The following TBCE variants were observed in gnomAD, a reference collection of about 807,000 sequenced individuals.
TBCE encodes tubulin-specific chaperone E.
Under a neutral mutation model 77.0 loss-of-function variants are expected in TBCE, and 53 were observed. The observed-to-expected ratio is 0.69, with a 90% confidence interval of 0.55 to 0.87. TBCE has a LOEUF of 0.87. Ranked by LOEUF, TBCE falls within the 40% of genes least tolerant of loss-of-function variation. The probability of loss-of-function intolerance (pLI) is 0.00; values close to 1 mark genes in which losing one functional copy is unlikely to be tolerated. For synonymous variants in TBCE, 235 were observed against 241.3 expected (o/e 0.97, Z 0.24); for missense variants, 624 against 622.4 (o/e 1.00, Z -0.03).
At chr1:235,390,932 G>A (rs1678348297) in intron 2 of TBCE, among the ~76,000 whole-genome samples, 1 of 152,010 alleles carries the variant, frequency 6.6e-6, no homozygotes, top group Non-Finnish European at 1.5e-5. Context: ...ATATGATAAG[G>A]AAGCTATCAT....
intron 13 of TBCE, among the ~76,000 whole-genome samples, chr1:235,439,947 G>A (rs773208370): frequency 6.6e-6 from 1 of 151,828 alleles, no homozygotes; most frequent in Non-Finnish European, 1.5e-5. Context: ...GACTACAGGC[G>A]CACACCACCA....
At chr1:235,441,442 G>A in intron 13 of TBCE, 1 of 279,424 alleles carries the variant, frequency 3.6e-6, no homozygotes. Flanking sequence ...GACACTCGGG[G>A]AAAACATTTG....
chr1:235,414,924 A>C, intron 4 of TBCE: 1 of 359,834 alleles, frequency 2.8e-6, no homozygotes, highest in Non-Finnish European at 5.3e-6. Context: ...GTTCTTTTCT[A>C]TTTCATGGTG....
At chr1:235,407,407 G>T (rs1679511813) in intron 3 of TBCE, among the ~76,000 whole-genome samples, 2 of 152,074 alleles carry the variant, frequency 1.3e-5, no homozygotes, top group Admixed American at 6.6e-5. Context: ...ATAAAAAGGA[G>T]AAATGTTACA....
intron 2 of TBCE, among the ~76,000 whole-genome samples, chr1:235,392,019 C>A (rs1248731757): frequency 2.0e-5 from 3 of 151,744 alleles, no homozygotes; most frequent in Non-Finnish European, 4.4e-5. Context: ...CAAAACTGTA[C>A]AGTTTAAATT....
At chr1:235,417,826 G>C (rs1680187324) in intron 4 of TBCE, among the ~76,000 whole-genome samples, 1 of 152,128 alleles carries the variant, frequency 6.6e-6, no homozygotes, top group African/African-American at 2.4e-5. Context: ...ACCCAGGCTG[G>C]AGCGCAATGG....
intron 2 of TBCE, among the ~76,000 whole-genome samples, chr1:235,399,056 C>T (rs915931440): frequency 2.6e-5 from 4 of 152,014 alleles, no homozygotes; most frequent in Non-Finnish European, 5.9e-5. Context: ...CAGGCTCAAG[C>T]GATCCTCCCA....
intron 2 of TBCE, among the ~76,000 whole-genome samples, chr1:235,385,452 A>G (rs942332541): frequency 1.3e-5 from 2 of 151,932 alleles, no homozygotes; most frequent in Non-Finnish European, 2.9e-5. Context: ...GTGGGAGTCT[A>G]AGTCTCTTTG....
At chr1:235,404,650 T>A (rs1314106500) in intron 3 of TBCE, among the ~76,000 whole-genome samples, 1 of 152,014 alleles carries the variant, frequency 6.6e-6, no homozygotes, top group African/African-American at 2.4e-5. Context: ...TTCCTGTAAC[T>A]TTTTTATGTT....
intron 15 of TBCE, among the ~76,000 whole-genome samples, chr1:235,445,909 T>A (rs1682234958): frequency 1.3e-5 from 2 of 152,190 alleles, no homozygotes; most frequent in Admixed American, 1.3e-4. Context: ...CAAGGCACTG[T>A]CGTGTGTCAC....
At chr1:235,446,876 G>A (rs960794741) in intron 15 of TBCE, among the ~76,000 whole-genome samples, 19 of 152,060 alleles carry the variant, frequency 1.2e-4, no homozygotes, top group African/African-American at 4.3e-4. Flanking sequence ...TAGAGATGGG[G>A]TATCCTCATG....
intron 4 of TBCE, 22 bp downstream of exon 4, chr1:235,414,640 A>G: frequency 1.2e-6 from 2 of 1,611,518 alleles, no homozygotes; most frequent in South Asian, 2.2e-5. Context: ...TTATAACGGC[A>G]GAGCTGACTT....
At chr1:235,374,412 G>A (rs1161120934) in intron 1 of TBCE, among the ~76,000 whole-genome samples, 1 of 146,470 alleles carries the variant, frequency 6.8e-6, no homozygotes, top group Non-Finnish European at 1.5e-5. Flanking sequence ...AGGGTTTAAG[G>A]AGCTGGAAAT....
rs1024082016 is a variant in TBCE, at chr1:235,448,306, T to C, written c.1400-43T>C. The C allele has an allele frequency of 3.2e-6, 5 of 1,540,746 alleles. 1 individual carries two copies. On this transcript the variant is annotated intron_variant, in intron 15 of 16. Coordinates refer to ENST00000642610, the MANE Select transcript of TBCE (RefSeq NM_003193.5). ...CACATGAGCTAGTTTTACAGGTAAC[T>C]GTCATTTGAGAGAACGAATGGACTT...
At chr1:235,441,992 T>C (rs1681907898) in intron 14 of TBCE, 110 bp downstream of exon 14, 1 of 969,740 alleles carries the variant, frequency 1.0e-6, no homozygotes, top group South Asian at 1.5e-5. Flanking sequence ...GTAAATGCCT[T>C]GAGTTTTAAA....
chr1:235,380,227 T>G, intron 2 of TBCE, 78 bp downstream of exon 2: 2 of 1,428,354 alleles, frequency 1.4e-6, no homozygotes, highest in Non-Finnish European at 9.8e-7. Flanking sequence ...TTTGCAGCTG[T>G]TTCTGTGTAA....
At chr1:235,432,049 T>C (rs1031872448) in intron 7 of TBCE, among the ~76,000 whole-genome samples, 2 of 151,954 alleles carry the variant, frequency 1.3e-5, no homozygotes, top group African/African-American at 4.8e-5. Flanking sequence ...AGTGGCATGA[T>C]CTCGGCTCAC....
At chr1:235,442,183 T>A (rs1023601170) in intron 14 of TBCE, among the ~76,000 whole-genome samples, 4 of 152,042 alleles carry the variant, frequency 2.6e-5, no homozygotes, top group African/African-American at 7.2e-5. Flanking sequence ...TAATTTTTTT[T>A]AATCGAGACG....
intron 3 of TBCE, among the ~76,000 whole-genome samples, chr1:235,404,742 C>G (rs759813260): frequency 6.6e-6 from 1 of 151,066 alleles, no homozygotes; most frequent in Non-Finnish European, 1.5e-5. Flanking sequence ...GATCTCAGCT[C>G]ACTGCACTGC....
Sources: gnomAD v4.1 joint callset for allele counts (sites outside exome capture counted in the v4.1 genomes callset) on GRCh38, gnomAD v4.1.1 for gene constraint, MANE v1.5 for transcripts, NCBI Gene and HGNC (gene_info 2026-07-23, HGNC 2026-07-21) for gene names.